RTP2: variants seen among roughly 807,000 people sequenced by gnomAD.
The protein encoded by RTP2 is receptor-transporting protein 2.
A neutral mutation model predicts 17.9 loss-of-function variants in RTP2; 12 were observed. That is an observed-to-expected ratio of 0.67 (90% CI 0.43 to 1.09). The LOEUF (loss-of-function observed/expected upper bound fraction) is 1.09. Among genes scored for constraint, RTP2 ranks in the 50% least tolerant of loss-of-function variants. The probability of loss-of-function intolerance (pLI) is 0.00; values close to 1 mark genes in which losing one functional copy is unlikely to be tolerated. For missense variants in RTP2, 327 were observed against 295.7 expected, an observed-to-expected ratio of 1.11 and a Z score of -0.78; for synonymous variants, 126 against 117.7, an observed-to-expected ratio of 1.07 and a Z score of -0.46.
the RTP2 span, among the ~76,000 whole-genome samples, chr3:187,712,600 C>T: frequency 2.6e-5 from 4 of 151,990 alleles, no homozygotes; most frequent in South Asian, 6.2e-4. Context: ...TTTGTTAGCC[C>T]CTTTTGAATT....
chr3:187,698,913 C>A (rs758884833), exon 2 of RTP2: 10 of 1,610,346 alleles, frequency 6.2e-6, no homozygotes, highest in Non-Finnish European at 8.5e-6. Flanking sequence ...GACGCGCATG[C>A]GCACCGAGCC....
the RTP2 span, among the ~76,000 whole-genome samples, chr3:187,711,072 C>T: frequency 0.7 from 105,850 of 152,078 alleles, 37,571 homozygotes; most frequent in East Asian, 0.84. Context: ...GCCACCCCTT[C>T]TGCTGTTTCT....
chr3:187,703,971 T>C (rs147542018), upstream of RTP2, among the ~76,000 whole-genome samples: 1,619 of 152,250 alleles, frequency 0.011, 26 homozygotes, highest in African/African-American at 0.037. Flanking sequence ...TGTTTTCACT[T>C]TTCATACAAT....
the RTP2 span, among the ~76,000 whole-genome samples, chr3:187,709,422 A>T: frequency 6.6e-6 from 1 of 152,194 alleles, no homozygotes; most frequent in Non-Finnish European, 1.5e-5. Flanking sequence ...TCTGGCGGGC[A>T]TGCCTGTAAT....
the RTP2 span, among the ~76,000 whole-genome samples, chr3:187,715,058 G>A: frequency 1.3e-5 from 2 of 151,574 alleles, no homozygotes; most frequent in South Asian, 2.1e-4. Context: ...CAGGTTACAG[G>A]TTACAACCCT....
At chr3:187,713,913 C>T in the RTP2 span, among the ~76,000 whole-genome samples, 12 of 152,152 alleles carry the variant, frequency 7.9e-5, no homozygotes, top group African/African-American at 2.9e-4. Context: ...TGTCTCCAGA[C>T]CCTATTCTCC....
At chr3:187,707,610 A>C in the RTP2 span, among the ~76,000 whole-genome samples, 1 of 152,348 alleles carries the variant, frequency 6.6e-6, no homozygotes, top group East Asian at 1.9e-4. Context: ...ATGGAAGTTG[A>C]GGCCTGAAAG....
the RTP2 span, among the ~76,000 whole-genome samples, chr3:187,714,936 G>A: frequency 3.3e-5 from 5 of 151,558 alleles, no homozygotes; most frequent in African/African-American, 1.2e-4. Context: ...AAAATGATAT[G>A]TATGAAACTG....
At chr3:187,704,581 A>T (rs1717943715), upstream of RTP2, among the ~76,000 whole-genome samples, 1 of 152,222 alleles carries the variant, frequency 6.6e-6, no homozygotes, top group African/African-American at 2.4e-5. Context: ...AAGAAGATTG[A>T]GTAAAATGAG....
upstream of RTP2, among the ~76,000 whole-genome samples, chr3:187,703,609 C>T (rs1717912041): frequency 6.6e-6 from 1 of 152,222 alleles, no homozygotes; most frequent in Admixed American, 6.5e-5. Flanking sequence ...GGCCCAGGCT[C>T]TCAGGACTGG....
chr3:187,707,256 A>G (rs1364972591), upstream of RTP2, among the ~76,000 whole-genome samples: 1 of 152,200 alleles, frequency 6.6e-6, no homozygotes, highest in Non-Finnish European at 1.5e-5. Context: ...CACTTTCACC[A>G]TTGCCCAGAT....
exon 2 of RTP2, chr3:187,698,799 C>A: frequency 6.2e-7 from 1 of 1,613,578 alleles, no homozygotes; most frequent in South Asian, 1.1e-5. Flanking sequence ...GCACTGCTCG[C>A]GCAGGCTGGT....
chr3:187,707,495 C>T (rs545238822), upstream of RTP2, among the ~76,000 whole-genome samples: 3 of 152,202 alleles, frequency 2.0e-5, no homozygotes, highest in African/African-American at 7.2e-5. Flanking sequence ...GGGTGCTTTT[C>T]CCTAAGGAGG....
At chr3:187,710,838 T>C in the RTP2 span, among the ~76,000 whole-genome samples, 1 of 152,180 alleles carries the variant, frequency 6.6e-6, no homozygotes, top group African/African-American at 2.4e-5. Context: ...GGGTCCACTC[T>C]GTTGGCACAA....
At chr3:187,703,514 G>T (rs1314226435), upstream of RTP2, among the ~76,000 whole-genome samples, 1 of 152,110 alleles carries the variant, frequency 6.6e-6, no homozygotes, top group African/African-American at 2.4e-5. Flanking sequence ...TAAAAATCTG[G>T]TTTATTTCTT....
exon 2 of RTP2, chr3:187,698,361 C>T (rs568039849): frequency 1.9e-5 from 13 of 683,184 alleles, no homozygotes; most frequent in Middle Eastern, 8.1e-4. Context: ...CCTCTCATTC[C>T]GCAGATGCAT....
chr3:187,698,572 A>G lies in RTP2; in HGVS notation c.604T>C (p.Cys202Arg). Residue 202 changes from cysteine to arginine, a missense_variant, in exon 2 of 2, where the codon TGC (cysteine) becomes CGC (arginine). Cys to Arg is a radical substitution (Grantham distance 180). Coordinates refer to ENST00000358241, the Ensembl canonical transcript of RTP2. Reference sequence around the variant, plus strand: ...AGGCAGAGAGAGGCCCAGAAGAGGCACCAGCGAAGAGACAAGAAGTTGTAG... The same window carrying G: ...AGGCAGAGAGAGGCCCAGAAGAGGCGCCAGCGAAGAGACAAGAAGTTGTAG... 3.1e-6 allele frequency: 5 copies of G among 1,614,230 alleles called. No homozygotes were observed. The highest frequency in any genetic ancestry group is 4.2e-6 in the Non-Finnish European group (5 of 1,180,026).
chr3:187,701,841 C>T (rs1717855944), intron 1 of RTP2, 124 bp downstream of exon 1: 1 of 863,930 alleles, frequency 1.2e-6, no homozygotes. Flanking sequence ...CTGTCTTTGT[C>T]TTTTTCCCCA....
At chr3:187,703,636 T>C (rs958378243), upstream of RTP2, among the ~76,000 whole-genome samples, 3 of 152,172 alleles carry the variant, frequency 2.0e-5, no homozygotes, top group Admixed American at 6.5e-5. Flanking sequence ...CAAACCTCAC[T>C]GGGGATTCCC....
Sources: gnomAD v4.1 joint callset for allele counts (sites outside exome capture counted in the v4.1 genomes callset) on GRCh38, gnomAD v4.1.1 for gene constraint, MANE v1.5 for transcripts, NCBI Gene and HGNC (gene_info 2026-07-23, HGNC 2026-07-21) for gene names.